The following PRUNE2 variants were observed in gnomAD, a reference collection of about 807,000 sequenced individuals.
The protein encoded by PRUNE2 is prune homolog 2 with BCH domain.
PRUNE2 carries 164 observed loss-of-function variants against 252.0 expected under a neutral mutation model. That is an observed-to-expected ratio of 0.65 (90% CI 0.57 to 0.74). The LOEUF (loss-of-function observed/expected upper bound fraction) is 0.74, where lower values mean the gene tolerates loss of function less well. Ranked by LOEUF, PRUNE2 falls within the 30% of genes least tolerant of loss-of-function variation. The pLI is 0.00. For missense variants in PRUNE2, 3,495 were observed against 3,711.0 expected, an observed-to-expected ratio of 0.94 and a Z score of 1.51; for synonymous variants, 1,292 against 1,350.2, an observed-to-expected ratio of 0.96 and a Z score of 0.94.
At chr9:76,687,709 G>A (rs570422639) in intron 9 of PRUNE2, 9 of 292,530 alleles carry the variant, frequency 3.1e-5, no homozygotes, top group Admixed American at 2.7e-4. Context: ...TGTTAGCCTC[G>A]GGGGAGGCTG....
Position 76,703,557 on chromosome 9 carries a change from A to C in PRUNE2, c.8056T>G (p.Leu2686Val). 1 of 1,613,664 alleles carries C rather than the reference A, an allele frequency of 6.2e-7. No individual in the cohort carries two copies. Among genetic ancestry groups the C allele is most frequent in the Non-Finnish European group, 8.5e-7 (1 of 1,179,796 alleles). ...GGACCAGAGGCTTCCTCTAGTGCCAAAGATTCTAGAGGCTTCATTTCTTCC... is the reference window on the plus strand; with the variant it reads ...GGACCAGAGGCTTCCTCTAGTGCCACAGATTCTAGAGGCTTCATTTCTTCC... Reference protein sequence around the residue: ...ILEEMKPLESLALEEASGPVS... With the variant: ...ILEEMKPLESVALEEASGPVS... Residue 2686 changes from leucine (L) to valine (V), a missense_variant, in exon 9 of 19, where the codon TTG becomes GTG. Physicochemically the swap from Leu to Val is conservative, Grantham distance 32. Coordinates refer to ENST00000376718, the MANE Select transcript of PRUNE2 (RefSeq NM_015225.3).
chr9:76,711,263 G>T lies in PRUNE2; in HGVS notation c.1011C>A (p.Asp337Glu). The T allele has an allele frequency of 6.2e-7, 1 of 1,613,834 alleles. No homozygotes were observed. Among genetic ancestry groups the T allele is most frequent in the Non-Finnish European group, 8.5e-7 (1 of 1,179,828 alleles). The change falls in exon 8 of 19, where the codon GAC becomes GAA. Residue 337 changes from aspartate to glutamate, a missense_variant. By Grantham distance (45) the Asp-to-Glu change is conservative. Coordinates refer to ENST00000376718, the MANE Select transcript of PRUNE2 (RefSeq NM_015225.3). The stretch of plus-strand genomic sequence containing the variant: ...CCACCTGATCACAAGTCACTGAAGG[G>T]TCCTCTTGTTGGTACACCAGGATCT... ...CDEILVYQQEDPSVTCDQVVL... is the reference protein window; with the variant it reads ...CDEILVYQQEEPSVTCDQVVL...
chr9:76,776,499 CT>C (rs58566943), intron 6 of PRUNE2, among the ~76,000 whole-genome samples: 26,222 of 136,306 alleles, frequency 0.19, 2,564 homozygotes, highest in East Asian at 0.4. Context: ...ACCACATTTT[CT>C]TTTTTTTTTT....
intron 9 of PRUNE2, among the ~76,000 whole-genome samples, chr9:76,691,235 G>A (rs2044690808): frequency 1.3e-5 from 2 of 152,158 alleles, no homozygotes; most frequent in African/African-American, 4.8e-5. Flanking sequence ...ATCAAAGAGG[G>A]GGCAGTGGAT....
chr9:76,775,359 C>T (rs1229425144), intron 6 of PRUNE2, among the ~76,000 whole-genome samples: 4 of 152,118 alleles, frequency 2.6e-5, no homozygotes, highest in African/African-American at 9.7e-5. Context: ...TGCAGTTGCA[C>T]GATCACAGTT....
chr9:76,753,488 C>A (rs2050811315), intron 6 of PRUNE2, among the ~76,000 whole-genome samples: 1 of 152,086 alleles, frequency 6.6e-6, no homozygotes. Flanking sequence ...AATAAGGAAC[C>A]TTGTGAAACA....
intron 18 of PRUNE2, among the ~76,000 whole-genome samples, chr9:76,617,713 TG>T (rs1419542927): frequency 6.6e-6 from 1 of 152,102 alleles, no homozygotes; most frequent in African/African-American, 2.4e-5. Flanking sequence ...AGCCCTGAAA[TG>T]AACCCAGACA....
At chr9:76,655,402 A>G (rs754007140) in intron 10 of PRUNE2, 21 bp downstream of exon 10, 6 of 1,579,898 alleles carry the variant, frequency 3.8e-6, no homozygotes, top group Non-Finnish European at 5.2e-6. Context: ...AACGAAGGAA[A>G]TGAACAAATG....
intron 1 of PRUNE2, among the ~76,000 whole-genome samples, chr9:76,883,462 A>G (rs1021367590): frequency 1.3e-5 from 2 of 152,240 alleles, no homozygotes; most frequent in African/African-American, 4.8e-5. Context: ...AGCACTTAGC[A>G]GAGCTTTGGG....
At chr9:76,712,230 A>G (rs1314243082) in intron 7 of PRUNE2, among the ~76,000 whole-genome samples, 1 of 152,204 alleles carries the variant, frequency 6.6e-6, no homozygotes, top group Non-Finnish European at 1.5e-5. Flanking sequence ...TCACCACAGT[A>G]ATTCCACAAG....
intron 1 of PRUNE2, among the ~76,000 whole-genome samples, chr9:76,884,954 A>G (rs2062002101): frequency 6.6e-6 from 1 of 152,234 alleles, no homozygotes; most frequent in South Asian, 2.1e-4. Flanking sequence ...CACCAGCCAC[A>G]GGGACAATTT....
intron 3 of PRUNE2, 68 bp downstream of exon 3, chr9:76,850,395 A>C (rs2059894806): frequency 7.9e-7 from 1 of 1,260,578 alleles, no homozygotes; most frequent in Admixed American, 1.7e-5. Context: ...GTCCTGAGTA[A>C]AGTGACACTT....
chr9:76,745,366 G>A (rs936856674), intron 6 of PRUNE2, among the ~76,000 whole-genome samples: 1 of 152,182 alleles, frequency 6.6e-6, no homozygotes, highest in African/African-American at 2.4e-5. Flanking sequence ...TCATGCCAGA[G>A]ATCACAAGAC....
chr9:76,654,241 A>G (rs183635634), intron 10 of PRUNE2, among the ~76,000 whole-genome samples: 1 of 152,288 alleles, frequency 6.6e-6, no homozygotes, highest in African/African-American at 2.4e-5. Flanking sequence ...TAAGCACGAA[A>G]TATTTTGAAG....
chr9:76,659,847 T>G (rs542402665), intron 9 of PRUNE2, among the ~76,000 whole-genome samples: 1 of 151,184 alleles, frequency 6.6e-6, no homozygotes, highest in South Asian at 2.1e-4. Context: ...TGATTTAAGT[T>G]ACATAAAATA....
chr9:76,844,120 G>A (rs1936286), intron 4 of PRUNE2, among the ~76,000 whole-genome samples: 35,159 of 152,128 alleles, frequency 0.23, 4,347 homozygotes, highest in African/African-American at 0.33. Flanking sequence ...GAACATTTGA[G>A]GTACCTCTTT....
rs916442070 is a variant in PRUNE2 at position 76,710,964 on chromosome 9, C to T, written c.1310G>A (p.Arg437His). The T allele has an allele frequency of 1.6e-5, 25 of 1,600,544 alleles. No individual in the cohort carries two copies. Among genetic ancestry groups the T allele is most frequent in the South Asian group, 2.3e-5 (2 of 88,454 alleles). ...DSGLATIRSSRSSKESSVFLS... is the reference protein window; with the variant it reads ...DSGLATIRSSHSSKESSVFLS... ...GAAAACAGAGCTCTCCTTGGATGAG[C>T]GGCTGCTCCTAATGGTAGCCAGTCC... The change falls in exon 8 of 19, where the codon CGC becomes CAC. Residue 437 changes from arginine (R) to histidine (H), a missense_variant. Physicochemically the swap from Arg to His is conservative, Grantham distance 29. Coordinates refer to ENST00000376718, the MANE Select transcript of PRUNE2 (RefSeq NM_015225.3).
Position 76,703,493 on chromosome 9 carries a change from G to A in PRUNE2, c.8120C>T (p.Ala2707Val). ...CTGCAACGTAACTGCATCCGGGCCA[G>A]CCCTGCCTCGGCTCTTACTCTTCTG... ...QSQKSKSRGR[A>V]GPDAVTLQAV... The change falls in exon 9 of 19, where the codon GCT becomes GTT. Residue 2707 changes from alanine (A) to valine (V), a missense_variant. Ala to Val is a moderately conservative substitution (Grantham distance 64). Coordinates refer to ENST00000376718, the MANE Select transcript of PRUNE2 (RefSeq NM_015225.3). 6.2e-7 allele frequency: 1 copy of A among 1,613,712 alleles called. No homozygotes were observed. The highest frequency in any genetic ancestry group is 8.5e-7 in the Non-Finnish European group (1 of 1,179,858).
chr9:76,755,514 G>A (rs2051057960), intron 6 of PRUNE2, among the ~76,000 whole-genome samples: 1 of 152,102 alleles, frequency 6.6e-6, no homozygotes, highest in South Asian at 2.1e-4. Context: ...TGTCTAGTGG[G>A]GGTGTGGACA....
Sources: allele counts gnomAD v4.1 joint callset (sites outside exome capture counted in the v4.1 genomes callset), GRCh38; gene constraint gnomAD v4.1.1; transcripts MANE v1.5; gene names NCBI Gene and HGNC (gene_info 2026-07-23, HGNC 2026-07-21).